GPC5: variants seen among roughly 807,000 people sequenced by gnomAD.
GPC5 encodes the protein glypican-5.
In GPC5, 47 loss-of-function variants were observed where a neutral mutation model predicts 53.9. The observed-to-expected ratio is 0.87, with a 90% CI of 0.69 to 1.11. The LOEUF (loss-of-function observed/expected upper bound fraction) is 1.11. Ranked by LOEUF, GPC5 falls within the 50% of genes most tolerant of loss-of-function variation. The pLI is 0.00. For synonymous variants in GPC5, 286 were observed against 263.3 expected, an observed-to-expected ratio of 1.09 and a Z score of -0.84; for missense variants, 748 against 713.1, an observed-to-expected ratio of 1.05 and a Z score of -0.56.
At chr13:91,499,966 G>A (rs1884524687) in intron 2 of GPC5, among the ~76,000 whole-genome samples, 1 of 152,166 alleles carries the variant, frequency 6.6e-6, no homozygotes, top group Non-Finnish European at 1.5e-5. Context: ...CTTGTATTCT[G>A]GAGTCCTTTT....
chr13:92,816,587 T>C (rs1265080379), intron 7 of GPC5, among the ~76,000 whole-genome samples: 1 of 152,036 alleles, frequency 6.6e-6, no homozygotes, highest in African/African-American at 2.4e-5. Flanking sequence ...CTCACCTTGC[T>C]TTCACTTAAT....
chr13:91,944,585 A>G (rs1405224631), intron 6 of GPC5, among the ~76,000 whole-genome samples: 3 of 152,148 alleles, frequency 2.0e-5, no homozygotes, highest in Non-Finnish European at 4.4e-5. Context: ...TTACTTGTAC[A>G]TTATCAGAAT....
In GPC5 at chr13:91,819,351, G is replaced by A. The variant is rs61431760; in HGVS notation, c.1280+62931G>A. The stretch of plus-strand genomic sequence containing the variant: ...ATTTTTTGTATGTTTAGTACAGACC[G>A]GGTTTCACCATGTTGACCAGGCTGG... On this transcript the variant is annotated intron_variant, in intron 5 of 7. Coordinates refer to ENST00000377067, the MANE Select transcript of GPC5 (RefSeq NM_004466.6). 3.3e-3 allele frequency among the ~76,000 whole-genome samples: 500 copies of A among 151,616 alleles called. 9 individuals are homozygous for A. The highest frequency in any genetic ancestry group is 0.018 in the East Asian group (93 of 5,144).
chr13:91,534,354 A>G (rs1347442951), intron 2 of GPC5, among the ~76,000 whole-genome samples: 1 of 152,194 alleles, frequency 6.6e-6, no homozygotes, highest in Non-Finnish European at 1.5e-5. Context: ...TTAGATATAC[A>G]TTGCCTATGC....
chr13:92,640,326 C>T (rs367855888), intron 7 of GPC5, among the ~76,000 whole-genome samples: 320 of 152,166 alleles, frequency 2.1e-3, no homozygotes, highest in African/African-American at 7.3e-3. Context: ...GTGGCGCGAT[C>T]TCGGCTCACT....
intron 6 of GPC5, among the ~76,000 whole-genome samples, chr13:92,062,612 T>G (rs1465614713): frequency 1.3e-5 from 2 of 152,050 alleles, no homozygotes; most frequent in Non-Finnish European, 2.9e-5. Context: ...TAATTGAATA[T>G]GCATAATGGC....
chr13:92,413,014 T>A (rs1448526437), intron 7 of GPC5, among the ~76,000 whole-genome samples: 2 of 152,172 alleles, frequency 1.3e-5, no homozygotes, highest in Non-Finnish European at 2.9e-5. Context: ...AAACTAACAA[T>A]AATAGAATTC....
intron 7 of GPC5, among the ~76,000 whole-genome samples, chr13:92,359,452 C>A (rs1269417133): frequency 1.3e-5 from 2 of 151,670 alleles, no homozygotes; most frequent in Non-Finnish European, 2.9e-5. Flanking sequence ...GTTCCTACCT[C>A]TGCCCATTAC....
intron 4 of GPC5, among the ~76,000 whole-genome samples, chr13:91,756,075 G>GA (rs34332161): frequency 0.55 from 76,575 of 140,214 alleles, 20,821 homozygotes; most frequent in Non-Finnish European, 0.56. Context: ...CTTTTTTTTT[G>GA]AAAAAAAAAA....
At chr13:92,092,953 C>A (rs1027437904) in intron 6 of GPC5, among the ~76,000 whole-genome samples, 1 of 151,698 alleles carries the variant, frequency 6.6e-6, no homozygotes, top group Non-Finnish European at 1.5e-5. Flanking sequence ...GCCAATATCC[C>A]TAGGGTGATG....
At chr13:92,267,721 T>G (rs2042812230) in intron 7 of GPC5, among the ~76,000 whole-genome samples, 1 of 152,028 alleles carries the variant, frequency 6.6e-6, no homozygotes, top group Admixed American at 6.6e-5. Flanking sequence ...TTTTTGTAAA[T>G]AAAGTTTTAT....
At chr13:91,989,544 G>A (rs2040438346) in intron 6 of GPC5, among the ~76,000 whole-genome samples, 1 of 152,056 alleles carries the variant, frequency 6.6e-6, no homozygotes, top group African/African-American at 2.4e-5. Context: ...TTATTGCTTT[G>A]GTGTAAAATC....
intron 5 of GPC5, among the ~76,000 whole-genome samples, chr13:91,855,798 G>A (rs1237319164): frequency 6.6e-6 from 1 of 151,522 alleles, no homozygotes; most frequent in East Asian, 1.9e-4. Flanking sequence ...CTAGTACTGA[G>A]TTTTTAATTT....
At chr13:92,661,840 T>C (rs963180967) in intron 7 of GPC5, among the ~76,000 whole-genome samples, 1 of 152,180 alleles carries the variant, frequency 6.6e-6, no homozygotes, top group African/African-American at 2.4e-5. Flanking sequence ...TGAATTTAAG[T>C]CCTGTTTCTC....
intron 2 of GPC5, among the ~76,000 whole-genome samples, chr13:91,618,718 G>A (rs1444834109): frequency 6.6e-6 from 1 of 151,796 alleles, no homozygotes; most frequent in Non-Finnish European, 1.5e-5. Context: ...AGTTGTTGTT[G>A]CCTGGAGTCT....
In GPC5 at chr13:92,110,130, C is replaced by T. The variant is rs537113425; in HGVS notation, c.1402-34700C>T. Among the ~76,000 whole-genome samples, 6 of 152,110 alleles carry T rather than the reference C, an allele frequency of 3.9e-5. No homozygotes were observed. The South Asian group carries it at 1.0e-3, about 26-fold the overall frequency. ...GGAAAAGCTGCAGACTGACATCTTTCGATCGTTTCAGATGAGATTTGAAGA... is the reference window on the plus strand; with the variant it reads ...GGAAAAGCTGCAGACTGACATCTTTTGATCGTTTCAGATGAGATTTGAAGA... On this transcript the variant is annotated intron_variant, in intron 6 of 7. Transcript: ENST00000377067.
intron 7 of GPC5, among the ~76,000 whole-genome samples, chr13:92,807,020 C>T (rs1333869695): frequency 6.6e-6 from 1 of 152,026 alleles, no homozygotes; most frequent in Non-Finnish European, 1.5e-5. Context: ...AAATGTACTA[C>T]ATTTTGTCCA....
intron 7 of GPC5, among the ~76,000 whole-genome samples, chr13:92,152,908 T>C (rs952338429): frequency 5.3e-5 from 8 of 152,134 alleles, no homozygotes; most frequent in Non-Finnish European, 8.8e-5. Context: ...TCTGAACACA[T>C]TTCACTGAAC....
chr13:91,497,085 A>C (rs1306010461), intron 2 of GPC5, among the ~76,000 whole-genome samples: 3 of 152,032 alleles, frequency 2.0e-5, no homozygotes, highest in Non-Finnish European at 2.9e-5. Context: ...TTTTTTTTAA[A>C]GATATTTAAA....
Sources: gnomAD v4.1 joint callset for allele counts (sites outside exome capture counted in the v4.1 genomes callset) on GRCh38, gnomAD v4.1.1 for gene constraint, MANE v1.5 for transcripts, NCBI Gene and HGNC (gene_info 2026-07-23, HGNC 2026-07-21) for gene names.